NPR3: variants seen among roughly 807,000 people sequenced by gnomAD.
The protein encoded by NPR3 is atrial natriuretic peptide receptor 3.
NPR3 carries 34 observed loss-of-function variants against 54.5 expected under a neutral mutation model. The ratio of observed to expected loss-of-function variants is 0.62; its 90% confidence interval spans 0.47 to 0.83. NPR3 has a LOEUF of 0.83. Ranked by LOEUF, NPR3 falls within the 40% of genes least tolerant of loss-of-function variation. The pLI is 0.00. For missense variants in NPR3, 674 were observed against 720.8 expected (o/e 0.94, Z 0.74); for synonymous variants, 289 against 297.1 (o/e 0.97, Z 0.28).
chr5:32,718,825 T>C (rs1023266881), intron 1 of NPR3, among the ~76,000 whole-genome samples: 3 of 152,214 alleles, frequency 2.0e-5, no homozygotes, highest in East Asian at 1.9e-4. Context: ...CATTTCCTAA[T>C]TGAATACCCT....
At chr5:32,693,130 A>C (rs1740441404) in intron 1 of NPR3, among the ~76,000 whole-genome samples, 2 of 152,122 alleles carry the variant, frequency 1.3e-5, no homozygotes, top group African/African-American at 4.8e-5. Context: ...CAAAAAAAAA[A>C]AGGGATCTTT....
intron 2 of NPR3, among the ~76,000 whole-genome samples, chr5:32,728,908 A>G (rs977740789): frequency 2.2e-5 from 3 of 139,090 alleles, no homozygotes; most frequent in African/African-American, 7.8e-5. Context: ...ATGGGACCCA[A>G]GTCTAAACAT....
intron 3 of NPR3, among the ~76,000 whole-genome samples, chr5:32,765,767 C>A (rs180674629): frequency 6.6e-6 from 1 of 152,050 alleles, no homozygotes; most frequent in Admixed American, 6.5e-5. Context: ...TCTCTGTGTC[C>A]GTAGGGGTCT....
chr5:32,712,506 C>G lies in NPR3; in HGVS notation c.730C>G (p.Leu244Val). 1 of 1,548,348 alleles carries G rather than the reference C, an allele frequency of 6.5e-7. No individual in the cohort carries two copies. The highest frequency in any genetic ancestry group is 2.3e-5 in the East Asian group (1 of 44,210). ...YSFDETKDLD[L>V]EDIVRNIQAS... ...TTTCGACGAGACCAAAGACTTGGAT[C>G]TGGAAGACATCGTGCGCAATATCCA... Residue 244 changes from leucine (L) to valine (V), a missense_variant, in exon 1 of 8, where the codon CTG becomes GTG. Transcript: ENST00000265074.
chr5:32,789,716 G>A lies in NPR3; in HGVS notation c.*3371G>A, dbSNP rs370388563. ...TCCTTTTAGTTATGGCTGATTTTGG[G>A]TGTGTGTGTGTAAGACATGCAGTCA... is the stretch of plus-strand genomic sequence containing the variant. On this transcript the variant is annotated 3_prime_UTR_variant, in exon 8 of 8. Coordinates refer to ENST00000265074, the MANE Select transcript of NPR3 (RefSeq NM_001204375.2). The A allele has an allele frequency of 1.5e-5, 8 of 532,290 alleles. No individual in the cohort carries two copies. The highest frequency in any genetic ancestry group is 1.2e-4 in the African/African-American group (6 of 51,948). 33.0% of individuals were successfully genotyped at this position (532,290 alleles called of 1,614,324 possible).
chr5:32,736,631 G>T (rs1739763397), intron 2 of NPR3, among the ~76,000 whole-genome samples: 1 of 152,148 alleles, frequency 6.6e-6, no homozygotes, highest in African/African-American at 2.4e-5. Flanking sequence ...TAGAATTTGG[G>T]GTCTTCCTGG....
At chr5:32,696,050 G>C (rs1462500687) in intron 1 of NPR3, among the ~76,000 whole-genome samples, 1 of 152,044 alleles carries the variant, frequency 6.6e-6, no homozygotes, top group African/African-American at 2.4e-5. Context: ...TTCATTTTTT[G>C]CTTTGGTTGC....
chr5:32,713,714 C>G (rs1297253211), intron 1 of NPR3, among the ~76,000 whole-genome samples: 1 of 152,232 alleles, frequency 6.6e-6, no homozygotes, highest in African/African-American at 2.4e-5. Flanking sequence ...TAGGGGACAG[C>G]GCAACCTGAG....
intron 2 of NPR3, among the ~76,000 whole-genome samples, chr5:32,729,442 C>A (rs1739345177): frequency 6.6e-6 from 1 of 152,046 alleles, no homozygotes; most frequent in African/African-American, 2.4e-5. Context: ...TTTGGATTTC[C>A]CACTTTTGGA....
At chr5:32,763,244 A>G (rs1741271034) in intron 3 of NPR3, among the ~76,000 whole-genome samples, 1 of 152,096 alleles carries the variant, frequency 6.6e-6, no homozygotes, top group Non-Finnish European at 1.5e-5. Flanking sequence ...GCCTTGTAGT[A>G]TAGTTTGAAG....
At chr5:32,713,276 T>A (rs1390864145) in intron 1 of NPR3, 2 of 985,476 alleles carry the variant, frequency 2.0e-6, no homozygotes, top group African/African-American at 3.5e-5. Context: ...AAACGAGCGC[T>A]GAACCTTCTT....
At chr5:32,719,294 C>A (rs915036792) in intron 1 of NPR3, among the ~76,000 whole-genome samples, 1 of 152,098 alleles carries the variant, frequency 6.6e-6, no homozygotes, top group African/African-American at 2.4e-5. Context: ...GTGTGTTTCT[C>A]TTTTTTCATT....
intron 1 of NPR3, chr5:32,716,572 A>G (rs1455849048): frequency 2.7e-6 from 1 of 363,826 alleles, no homozygotes; most frequent in African/African-American, 2.1e-5. Flanking sequence ...GGATTGCCCT[A>G]TTTGAATAGC....
intron 4 of NPR3, among the ~76,000 whole-genome samples, chr5:32,776,213 A>C (rs1452035538): frequency 1.3e-5 from 2 of 152,258 alleles, no homozygotes; most frequent in East Asian, 3.8e-4. Context: ...GTCAAGTTAA[A>C]GAATTTTCCA....
intron 2 of NPR3, among the ~76,000 whole-genome samples, chr5:32,728,389 G>C (rs1739243233): frequency 6.6e-6 from 1 of 151,822 alleles, no homozygotes; most frequent in Non-Finnish European, 1.5e-5. Flanking sequence ...CTTGAACCTG[G>C]GAGGTGGAGG....
chr5:32,718,660 G>A (rs1006227714), intron 1 of NPR3, among the ~76,000 whole-genome samples: 7 of 152,160 alleles, frequency 4.6e-5, no homozygotes, highest in Non-Finnish European at 1.0e-4. Context: ...GTCTGTTAAT[G>A]TTGTATAGGA....
At chr5:32,770,099 C>T (rs1741675594) in intron 3 of NPR3, among the ~76,000 whole-genome samples, 1 of 152,160 alleles carries the variant, frequency 6.6e-6, no homozygotes, top group Admixed American at 6.5e-5. Context: ...AAACAGTGTT[C>T]TTCCATTCTG....
At position 32,786,728 on chromosome 5, in the gene NPR3, A is replaced by C; in HGVS notation, c.*383A>C. 5.2e-6 allele frequency: 1 copy of C among 191,464 alleles called. No individual in the cohort carries two copies. Among genetic ancestry groups the C allele is most frequent in the South Asian group, 1.1e-4 (1 of 9,506 alleles). 11.9% of individuals were successfully genotyped at this position (191,464 alleles called of 1,614,324 possible). A position where few individuals can be genotyped will look rare whatever the true frequency, so the allele number is the denominator to read the frequency against. Reference sequence around the variant, plus strand: ...AATGTTTTGTAGCTAGAATAAAATCATTTTTACAAGTACAGCATTCTTGGA... The same window carrying C: ...AATGTTTTGTAGCTAGAATAAAATCCTTTTTACAAGTACAGCATTCTTGGA... On this transcript the variant is annotated 3_prime_UTR_variant, in exon 8 of 8. Transcript: ENST00000265074.
intron 1 of NPR3, among the ~76,000 whole-genome samples, chr5:32,716,988 A>C (rs950555086): frequency 1.5e-5 from 2 of 131,286 alleles, no homozygotes; most frequent in Non-Finnish European, 3.4e-5. Flanking sequence ...AATGCTATCC[A>C]TCCCCCAACC....
Sources: gnomAD v4.1 joint callset for allele counts (sites outside exome capture counted in the v4.1 genomes callset) on GRCh38, gnomAD v4.1.1 for gene constraint, MANE v1.5 for transcripts, NCBI Gene and HGNC (gene_info 2026-07-23, HGNC 2026-07-21) for gene names.